The following FNBP1 variants were observed in gnomAD, a reference collection of about 807,000 sequenced individuals.
The protein encoded by FNBP1 is formin binding protein 1.
A neutral mutation model predicts 90.6 loss-of-function variants in FNBP1; 26 were observed. The observed-to-expected ratio is 0.29, with a 90% CI of 0.21 to 0.40. FNBP1 has a LOEUF of 0.40. FNBP1 is among the 10% of genes least tolerant of loss of function. The pLI is 1.00. For missense variants in FNBP1, 635 were observed against 768.0 expected (o/e 0.83, Z 2.05); for synonymous variants, 260 against 265.2 (o/e 0.98, Z 0.19).
At position 129,888,555 on chromosome 9, in the gene FNBP1, GT is replaced by G. The variant is rs1268224502; in HGVS notation, c.*1983del. 3 of 232,898 alleles carry G rather than the reference GT, an allele frequency of 1.3e-5. No homozygotes were observed. The highest frequency in any genetic ancestry group is 6.6e-5 in the African/African-American group (3 of 45,332). 14.4% of individuals were successfully genotyped at this position (232,898 alleles called of 1,614,324 possible). A position where few individuals can be genotyped will look rare whatever the true frequency, so the allele number is the denominator to read the frequency against. Reference sequence around the variant, plus strand: ...TGGGTGCACCACGCTTAGGTCACCCGTTGCAGGGACCGGAAGTCCATGGCTC... The same window carrying G: ...TGGGTGCACCACGCTTAGGTCACCCGTGCAGGGACCGGAAGTCCATGGCTC... On this transcript the variant is annotated 3_prime_UTR_variant, in exon 17 of 17. Transcript: ENST00000446176.
chr9:129,923,711 GTT>G (rs11290705), intron 10 of FNBP1, 131 bp downstream of exon 10: 204 of 760,100 alleles, frequency 2.7e-4, no homozygotes, highest in South Asian at 3.7e-4. Context: ...AATGGTTTTT[GTT>G]TTTTTTTTTT....
At chr9:129,955,109 A>T (rs2046726483) in intron 6 of FNBP1, among the ~76,000 whole-genome samples, 1 of 152,244 alleles carries the variant, frequency 6.6e-6, no homozygotes, top group South Asian at 2.1e-4. Flanking sequence ...CATAACCAGC[A>T]GAGTTAAGAT....
Position 129,899,080 on chromosome 9 carries a change from C to CT in FNBP1, c.1687+884dup, listed in dbSNP as rs58059037. ...AGGATCTGGAAGGCTGCTGCTGCAG[C>CT]TTTTTTTTTTTTTTTGAGACAGAGT... On this transcript the variant is annotated intron_variant, in intron 15 of 16. Transcript: ENST00000446176. Among the ~76,000 whole-genome samples the CT allele has an allele frequency of 4.4e-3, 631 of 141,922 alleles. 2 individuals are homozygous for CT. Among genetic ancestry groups the CT allele is most frequent in the African/African-American group, 0.011 (442 of 38,802 alleles). The allele number at this position is 141,922 out of a possible 152,430, so 93.1% of individuals were successfully genotyped here.
the FNBP1 span, among the ~76,000 whole-genome samples, chr9:130,048,640 G>A: frequency 0.046 from 6,962 of 150,816 alleles, 527 homozygotes; most frequent in African/African-American, 0.16. Context: ...CATCACGCCC[G>A]GCTAATTTTT....
intron 3 of FNBP1, among the ~76,000 whole-genome samples, chr9:129,979,053 GA>G (rs1349541411): frequency 6.6e-6 from 1 of 152,142 alleles, no homozygotes; most frequent in Non-Finnish European, 1.5e-5. Context: ...ATCAACTCTA[GA>G]ATGCAGATTC....
At chr9:130,034,383 T>C (rs964758554) in intron 1 of FNBP1, among the ~76,000 whole-genome samples, 2 of 151,572 alleles carry the variant, frequency 1.3e-5, no homozygotes, top group Admixed American at 6.6e-5. Context: ...ATCAGGAGGC[T>C]GAGGCGAAAG....
chr9:130,042,353 G>A lies in FNBP1; in HGVS notation c.24+599C>T, dbSNP rs559951554. 6.6e-6 allele frequency among the ~76,000 whole-genome samples: 1 copy of A among 152,226 alleles called. No individual in the cohort carries two copies. The highest frequency in any genetic ancestry group is 2.4e-5 in the African/African-American group (1 of 41,542). On this transcript the variant is annotated intron_variant, in intron 1 of 16. Transcript: ENST00000446176. This position sits in a 1 kb window ranked among gnomAD's most constrained non-coding sequence, Gnocchi z 5.5. Reference sequence around the variant, plus strand: ...GTGCCCACATCCCACTCAGGATTGAGCTACCCCGAAAGAACAAGTGCGCCC... The same window carrying A: ...GTGCCCACATCCCACTCAGGATTGAACTACCCCGAAAGAACAAGTGCGCCC...
At chr9:130,010,764 C>CTTTTT (rs111591184) in intron 1 of FNBP1, among the ~76,000 whole-genome samples, 1 of 140,572 alleles carries the variant, frequency 7.1e-6, no homozygotes, top group Non-Finnish European at 1.5e-5. Flanking sequence ...TTCTTTGGGT[C>CTTTTT]TTTTTTTTTT....
At chr9:130,018,820 AT>A (rs1466521471) in intron 1 of FNBP1, among the ~76,000 whole-genome samples, 1 of 152,184 alleles carries the variant, frequency 6.6e-6, no homozygotes, top group Non-Finnish European at 1.5e-5. Context: ...TACAAGGAGA[AT>A]TTCTACAAAC....
At chr9:130,047,540 G>T (rs970613069), upstream of FNBP1, among the ~76,000 whole-genome samples, 2 of 152,232 alleles carry the variant, frequency 1.3e-5, no homozygotes, top group Non-Finnish European at 2.9e-5. Context: ...GTGAACCTGG[G>T]AGGTGGAGGT....
intron 12 of FNBP1, among the ~76,000 whole-genome samples, chr9:129,905,510 A>G (rs2037853960): frequency 6.6e-6 from 1 of 151,782 alleles, no homozygotes; most frequent in Non-Finnish European, 1.5e-5. Flanking sequence ...GGGTTTTGCC[A>G]TGTTGGCCAA....
At chr9:130,035,155 C>T (rs1159991909) in intron 1 of FNBP1, among the ~76,000 whole-genome samples, 2 of 152,064 alleles carry the variant, frequency 1.3e-5, no homozygotes, top group Admixed American at 6.5e-5. Context: ...AAAAATGACT[C>T]GCTGCCCAGC....
chr9:130,029,161 CT>C (rs966324779), intron 1 of FNBP1, among the ~76,000 whole-genome samples: 10 of 149,782 alleles, frequency 6.7e-5, no homozygotes, highest in Admixed American at 1.3e-4. Flanking sequence ...TTTCTCTTTT[CT>C]TTTTTTTTTC....
At chr9:130,013,290 TA>T (rs2131724179) in intron 1 of FNBP1, among the ~76,000 whole-genome samples, 1 of 152,208 alleles carries the variant, frequency 6.6e-6, no homozygotes, top group South Asian at 2.1e-4. Context: ...CCAACTGTTC[TA>T]AAAAGAGTCA....
chr9:129,983,512 C>A (rs914886615), intron 2 of FNBP1, among the ~76,000 whole-genome samples: 1 of 152,124 alleles, frequency 6.6e-6, no homozygotes, highest in Non-Finnish European at 1.5e-5. Flanking sequence ...ATTTGTATTA[C>A]CGTTATTTAA....
At chr9:130,027,299 T>C (rs2058436486) in intron 1 of FNBP1, among the ~76,000 whole-genome samples, 1 of 152,224 alleles carries the variant, frequency 6.6e-6, no homozygotes, top group Non-Finnish European at 1.5e-5. Flanking sequence ...GAAGTCTTAA[T>C]GTCTTCACAT....
chr9:130,013,856 C>A, intron 1 of FNBP1: 2 of 429,398 alleles, frequency 4.7e-6, no homozygotes, highest in South Asian at 3.4e-5. Context: ...GAGTTTGATG[C>A]CCTCTTGCTC....
At chr9:129,973,837 G>T (rs1422052016) in intron 4 of FNBP1, among the ~76,000 whole-genome samples, 4 of 148,830 alleles carry the variant, frequency 2.7e-5, no homozygotes, top group African/African-American at 9.9e-5. Context: ...TTGAGACAGG[G>T]TCTCACTCTG....
rs950133647 is a variant in FNBP1 at position 129,921,688 on chromosome 9, C to T, written c.1170+2156G>A. 3.9e-5 allele frequency among the ~76,000 whole-genome samples: 6 copies of T among 152,246 alleles called. No individual in the cohort carries two copies. The East Asian group carries it at 5.8e-4, about 15-fold the overall frequency. Reference sequence around the variant, plus strand: ...TCGGCCTCCCAAAGTGCTGGGATTACGGGCATGAGCCACTGTGCCAGGCCT... The same window carrying T: ...TCGGCCTCCCAAAGTGCTGGGATTATGGGCATGAGCCACTGTGCCAGGCCT... On this transcript the variant is annotated intron_variant, in intron 10 of 16. Coordinates refer to ENST00000446176, the MANE Select transcript of FNBP1 (RefSeq NM_015033.3).
Sources: allele counts gnomAD v4.1 joint callset (sites outside exome capture counted in the v4.1 genomes callset), GRCh38; gene constraint gnomAD v4.1.1; non-coding constraint Gnocchi (gnomAD v3.1); transcripts MANE v1.5; gene names NCBI Gene and HGNC (gene_info 2026-07-23, HGNC 2026-07-21).